SPTBN2: variants seen among roughly 807,000 people sequenced by gnomAD.
The protein encoded by SPTBN2 is spectrin beta chain, non-erythrocytic 2.
A neutral mutation model predicts 284.2 loss-of-function variants in SPTBN2; 107 were observed. The observed-to-expected ratio is 0.38, with a 90% CI of 0.32 to 0.44. SPTBN2 has a LOEUF of 0.44. SPTBN2 is among the 20% of genes least tolerant of loss of function. The pLI, the probability that SPTBN2 is intolerant of heterozygous loss-of-function variation, is 1.00. For missense variants in SPTBN2, 2,569 were observed against 3,287.1 expected, an observed-to-expected ratio of 0.78 and a Z score of 5.34; for synonymous variants, 1,289 against 1,354.8, an observed-to-expected ratio of 0.95 and a Z score of 1.07.
At position 66,696,283 on chromosome 11, in the gene SPTBN2, C is replaced by T. The variant is rs1429699717; in HGVS notation, c.4272G>A (p.Lys1424=). The change falls in exon 21 of 38, where the codon AAG becomes AAA. Residue 1424 remains lysine, a synonymous_variant. Coordinates refer to ENST00000533211, the MANE Select transcript of SPTBN2 (RefSeq NM_006946.4). ...DLTSVNILLK[K]QQMLEWEMAV... ...TCAAAGGCCCACAGCACACCTGCTG[C>T]TTCTTGAGCAGGATGTTGACGCTGG... 2 of 1,611,794 alleles carry T rather than the reference C, an allele frequency of 1.2e-6. No homozygotes were observed. Among genetic ancestry groups the T allele is most frequent in the Admixed American group, 1.7e-5 (1 of 60,020 alleles).
Position 66,713,616 on chromosome 11 carries a change from T to C in SPTBN2, c.772+15A>G, listed in dbSNP as rs758725728. On this transcript the variant is annotated intron_variant, in intron 8 of 37. Coordinates refer to ENST00000533211, the MANE Select transcript of SPTBN2 (RefSeq NM_006946.4). ...TCTACCCTACCACCTCTTTTTCACA[T>C]AGCTCTGGCCCCACCTTCGGGATCC... is the stretch of plus-strand genomic sequence containing the variant. The C allele has an allele frequency of 6.2e-6, 10 of 1,607,848 alleles. No individual in the cohort carries two copies. The highest frequency in any genetic ancestry group is 5.5e-5 in the South Asian group (5 of 90,946).
At chr11:66,729,454 G>A (rs938723058), upstream of SPTBN2, among the ~76,000 whole-genome samples, 1 of 152,160 alleles carries the variant, frequency 6.6e-6, no homozygotes, top group Non-Finnish European at 1.5e-5. Flanking sequence ...AAATGGTCAA[G>A]TAAGGGCACT....
At position 66,715,294 on chromosome 11, in the gene SPTBN2, G is replaced by T. The variant is rs531913457; in HGVS notation, c.411C>A (p.Gly137=). ...KEQKVHLENM[G]SHDIVDGNHR... is the part of the protein sequence containing the mutation. ...GGTTTCCGTCCACAATGTCATGGGA[G>T]CCCATGTTTTCCAAGTGCACTTTCT... Residue 137 remains glycine (G), a synonymous_variant, in exon 5 of 38, where the codon GGC becomes GGA. Transcript: ENST00000533211. This position sits in a 1 kb window ranked among gnomAD's most constrained non-coding sequence, Gnocchi z 5.3. The T allele has an allele frequency of 6.2e-7, 1 of 1,614,118 alleles. No individual in the cohort carries two copies. The highest frequency in any genetic ancestry group is 8.5e-7 in the Non-Finnish European group (1 of 1,180,050).
rs1940184299 is a variant in SPTBN2, at chr11:66,687,333, C to G, written c.6722+94G>C. 1 of 1,562,938 alleles carries G rather than the reference C, an allele frequency of 6.4e-7. No individual in the cohort carries two copies. The highest frequency in any genetic ancestry group is 8.7e-7 in the Non-Finnish European group (1 of 1,148,162). The stretch of plus-strand genomic sequence containing the variant: ...CTCTGGTCCCAAGTCCTACCCTTTG[C>G]CCAGAAGATGTACTCTAAAGGGCAT... On this transcript the variant is annotated intron_variant, in intron 35 of 37. Coordinates refer to ENST00000533211, the MANE Select transcript of SPTBN2 (RefSeq NM_006946.4). The surrounding 1 kb of genome is among the most constrained non-coding windows in gnomAD (Gnocchi z 5.2).
At position 66,685,646 on chromosome 11, in the gene SPTBN2, G is replaced by A; in HGVS notation, c.*225C>T. 1 of 566,402 alleles carries A rather than the reference G, an allele frequency of 1.8e-6. No individual in the cohort carries two copies. Among genetic ancestry groups the A allele is most frequent in the Non-Finnish European group, 3.2e-6 (1 of 313,484 alleles). 35.1% of individuals were successfully genotyped at this position (566,402 alleles called of 1,614,324 possible). On this transcript the variant is annotated 3_prime_UTR_variant, in exon 38 of 38. Coordinates refer to ENST00000533211, the MANE Select transcript of SPTBN2 (RefSeq NM_006946.4). The surrounding 1 kb of genome is among the most constrained non-coding windows in gnomAD (Gnocchi z 4.4). ...GGGAGAAGTCGGCGGGGGTGGGAGA[G>A]GGGGTTACCTGGGTCCCACCACCAG...
At position 66,713,606 on chromosome 11, in the gene SPTBN2, C is replaced by G. The variant is rs1463611666; in HGVS notation, c.772+25G>C. ...ACCTCCTGTCTCTACCCTACCACCT[C>G]TTTTTCACATAGCTCTGGCCCCACC... On this transcript the variant is annotated intron_variant, in intron 8 of 37. Transcript: ENST00000533211. The G allele has an allele frequency of 3.8e-6, 6 of 1,599,536 alleles. No homozygotes were observed. The African/African-American group carries it at 8.0e-5, about 21-fold the overall frequency.
chr11:66,733,385 A>C (rs1942828144), upstream of SPTBN2, among the ~76,000 whole-genome samples: 1 of 152,160 alleles, frequency 6.6e-6, no homozygotes, highest in Non-Finnish European at 1.5e-5. Flanking sequence ...GGTTGAAAGA[A>C]TTAACCAGAT....
intron 3 of SPTBN2, among the ~76,000 whole-genome samples, chr11:66,716,382 C>T (rs1394177133): frequency 2.6e-5 from 4 of 151,604 alleles, no homozygotes; most frequent in Admixed American, 2.6e-4. Context: ...ACTCGGGAGG[C>T]TGAGGCAGAC....
chr11:66,699,150 T>G, intron 18 of SPTBN2, 68 bp from the exon 19 acceptor site: 1 of 1,578,160 alleles, frequency 6.3e-7, no homozygotes, highest in Non-Finnish European at 8.7e-7. Flanking sequence ...TTGGCTAACC[T>G]AGGGGCCTCC....
intron 17 of SPTBN2, among the ~76,000 whole-genome samples, chr11:66,699,961 CT>C (rs1941148440): frequency 6.6e-6 from 1 of 151,576 alleles, no homozygotes; most frequent in South Asian, 2.1e-4. Flanking sequence ...CTTCTTTTTT[CT>C]TTTTCTTTTT....
chr11:66,697,564 G>C (rs577235666), intron 20 of SPTBN2, among the ~76,000 whole-genome samples: 2 of 152,290 alleles, frequency 1.3e-5, no homozygotes, highest in Admixed American at 6.5e-5. Context: ...CTGGTTTTCT[G>C]TTTGGTTTTC....
Position 66,692,624 on chromosome 11 carries a change from C to A in SPTBN2, c.5102G>T (p.Arg1701Leu). 1.2e-6 allele frequency: 2 copies of A among 1,606,298 alleles called. No individual in the cohort carries two copies. Among genetic ancestry groups the A allele is most frequent in the Non-Finnish European group, 1.7e-6 (2 of 1,179,950 alleles). ...QEHLRLCQLR[R>L]ELDDLEQWIQ... ...CCACTGTTCCAGGTCATCCAGCTCG[C>A]GGCGGAGCTGGCACAGCCGGAGGTG... Residue 1701 changes from arginine to leucine, a missense_variant, in exon 26 of 38, where the codon CGC (arginine) becomes CTC (leucine). Physicochemically the swap from Arg to Leu is moderately radical, Grantham distance 102 (BLOSUM62 -2). Transcript: ENST00000533211.
In SPTBN2 at chr11:66,704,717, C is replaced by T. The variant is rs372343689; in HGVS notation, c.2559G>A (p.Ala853=). The change falls in exon 15 of 38, where the codon GCG becomes GCA. Residue 853 remains alanine, a synonymous_variant. Transcript: ENST00000533211. ...CGGCCTCGCTGAGCATGGTGTAGAG[C>T]GCCAGGGCTGCCTCCAAGGCCCGCG... is the stretch of plus-strand genomic sequence containing the variant. ...ERARALEAAL[A]LYTMLSEAGA... is the part of the protein sequence containing the mutation. 49 of 1,605,502 alleles carry T rather than the reference C, an allele frequency of 3.1e-5. No homozygotes were observed. The highest frequency in any genetic ancestry group is 3.3e-4 in the Middle Eastern group (2 of 6,054).
chr11:66,690,252 A>C lies in SPTBN2; in HGVS notation c.5597T>G (p.Leu1866Arg). The C allele has an allele frequency of 2.5e-6, 4 of 1,611,812 alleles. No homozygotes were observed. The highest frequency in any genetic ancestry group is 3.4e-6 in the Non-Finnish European group (4 of 1,178,954). Residue 1866 changes from leucine to arginine, a missense_variant, in exon 28 of 38, where the codon CTC (leucine) becomes CGC (arginine). Leu to Arg is a moderately radical substitution (Grantham distance 102). Transcript: ENST00000533211. ...CTTGTCTCCAGCGTAGGCCTTCTGG[A>C]GCCGGTGGCCGTCGTCCTGCACCTG... The part of the protein sequence containing the change: ...VQQVQDDGHR[L>R]QKAYAGDKAE...
chr11:66,688,288 T>C lies in SPTBN2; in HGVS notation c.6255A>G (p.Arg2085=), dbSNP rs1202370651. The change falls in exon 32 of 38, where the codon CGA becomes CGG. Residue 2085 remains arginine, a synonymous_variant. Coordinates refer to ENST00000533211, the MANE Select transcript of SPTBN2 (RefSeq NM_006946.4). The stretch of plus-strand genomic sequence containing the variant: ...GCTCCTCCTCCTCCCTCTTTCTCTT[T>C]CGCTCCTTCTCCCGCTCCTCTAGCT... The part of the protein sequence containing the change: ...LTALEEREKE[R]KRKREEEERR... 5 of 1,605,450 alleles carry C rather than the reference T, an allele frequency of 3.1e-6. No individual in the cohort carries two copies. In the Admixed American group the frequency reaches 8.5e-5, roughly 27 times the overall value.
chr11:66,729,766 G>T (rs1228624839), upstream of SPTBN2, among the ~76,000 whole-genome samples: 1 of 152,064 alleles, frequency 6.6e-6, no homozygotes, highest in African/African-American at 2.4e-5. Flanking sequence ...TGGCTCTCTG[G>T]TGTGTACCTC....
chr11:66,689,010 G>T, intron 30 of SPTBN2, 86 bp downstream of exon 30: 1 of 1,495,188 alleles, frequency 6.7e-7, no homozygotes, highest in Non-Finnish European at 9.2e-7. Flanking sequence ...CACACCCAGG[G>T]TTCCTAGTCT....
chr11:66,706,692 C>T (rs1481084201), intron 13 of SPTBN2, among the ~76,000 whole-genome samples: 4 of 149,960 alleles, frequency 2.7e-5, no homozygotes, highest in African/African-American at 7.4e-5. Context: ...TGCAGTGGTG[C>T]AATCTTGGCT....
intron 1 of SPTBN2, among the ~76,000 whole-genome samples, chr11:66,736,378 C>T (rs540618198): frequency 1.1e-4 from 16 of 152,244 alleles, no homozygotes; most frequent in Admixed American, 7.8e-4. Context: ...TATTTATGGA[C>T]GATCCCTCTC....
Sources: allele counts gnomAD v4.1 joint callset (sites outside exome capture counted in the v4.1 genomes callset), GRCh38; gene constraint gnomAD v4.1.1; non-coding constraint Gnocchi (gnomAD v3.1); transcripts MANE v1.5; gene names NCBI Gene and HGNC (gene_info 2026-07-23, HGNC 2026-07-21).